The following DHRS3 variants were observed in gnomAD, a reference collection of about 807,000 sequenced individuals.
DHRS3 encodes the protein short-chain dehydrogenase/reductase 3.
A neutral mutation model predicts 27.2 loss-of-function variants in DHRS3; 14 were observed. That is an observed-to-expected ratio of 0.52 (90% CI 0.34 to 0.81). The LOEUF (loss-of-function observed/expected upper bound fraction) is 0.81. DHRS3 is among the 30% of genes least tolerant of loss of function. The pLI, the probability that DHRS3 is intolerant of heterozygous loss-of-function variation, is 0.01. For missense variants in DHRS3, 322 were observed against 406.2 expected (o/e 0.79, Z 1.78); for synonymous variants, 165 against 175.9 (o/e 0.94, Z 0.49).
intron 1 of DHRS3, among the ~76,000 whole-genome samples, chr1:12,585,245 C>T (rs55981784): frequency 2.1e-5 from 3 of 143,824 alleles, no homozygotes; most frequent in Non-Finnish European, 4.6e-5. Context: ...GAGTGTGTGT[C>T]TCTGTGTCTC....
rs1646635462 is a variant in DHRS3, at chr1:12,580,564, G to A, written c.298C>T (p.Arg100Trp). 6.8e-6 allele frequency: 11 copies of A among 1,613,992 alleles called. No individual in the cohort carries two copies. The highest frequency in any genetic ancestry group is 3.3e-5 in the Admixed American group (2 of 59,998). ...CHYFICDVGN[R>W]EEVYQTAKAV... is the part of the protein sequence containing the mutation. ...TTGGCCGTCTGGTACACCTCCTCCC[G>A]GTTGCCCACATCACAGATGAAGTAA... The change falls in exon 2 of 6, where the codon CGG (arginine) becomes TGG (tryptophan). Residue 100 changes from arginine (R) to tryptophan (W), a missense_variant. Transcript: ENST00000616661.
chr1:12,569,828 A>G (rs1222443618), intron 5 of DHRS3: 2 of 152,216 alleles, frequency 1.3e-5, no homozygotes, highest in African/African-American at 2.4e-5. Context: ...GGCCTTCCAA[A>G]GTGCTGGGAT....
rs1232394316 is a variant in DHRS3 at position 12,591,138 on chromosome 1, C to T, written c.196-10472G>A. 3.9e-5 allele frequency among the ~76,000 whole-genome samples: 6 copies of T among 152,228 alleles called. No individual in the cohort carries two copies. The highest frequency in any genetic ancestry group is 1.4e-4 in the African/African-American group (6 of 41,470). ...TTCCATCAGCAAGGGGGATCTATAT[C>T]TGTTGCTGTACTAATAAAAATAGTA... On this transcript the variant is annotated intron_variant, in intron 1 of 5. Transcript: ENST00000616661. The surrounding 1 kb of genome is among the most constrained non-coding windows in gnomAD (Gnocchi z 4.1).
intron 2 of DHRS3, chr1:12,580,169 G>T: frequency 2.8e-6 from 1 of 354,746 alleles, no homozygotes; most frequent in Non-Finnish European, 5.4e-6. Flanking sequence ...AGACAGTCAG[G>T]GTGGGTTTCC....
At chr1:12,583,594 C>CATCCATCA (rs1351443383) in intron 1 of DHRS3, among the ~76,000 whole-genome samples, 1 of 66,826 alleles carries the variant, frequency 1.5e-5, no homozygotes, top group African/African-American at 5.1e-5. Flanking sequence ...CCTACTTATC[C>CATCCATCA]ATCCATCCAT....
At chr1:12,585,245 C>CTAGGTGAG (rs1256874447) in intron 1 of DHRS3, among the ~76,000 whole-genome samples, 2 of 143,824 alleles carry the variant, frequency 1.4e-5, no homozygotes, top group African/African-American at 5.1e-5. Flanking sequence ...GAGTGTGTGT[C>CTAGGTGAG]TCTGTGTCTC....
rs1646771810 is a variant in DHRS3, at chr1:12,594,436, C to CG, written c.196-13771_196-13770insC. Among the ~76,000 whole-genome samples the CG allele has an allele frequency of 6.6e-6, 1 of 152,120 alleles. No homozygotes were observed. The highest frequency in any genetic ancestry group is 6.5e-5 in the Admixed American group (1 of 15,280). ...AACACTTGTTCACGTGAACGAATGA[C>CG]TGTATAGTAAGTAGTTTTCTAGCCA... On this transcript the variant is annotated intron_variant, in intron 1 of 5. Transcript: ENST00000616661. The surrounding 1 kb of genome is among the most constrained non-coding windows in gnomAD (Gnocchi z 4.1).
intron 1 of DHRS3, among the ~76,000 whole-genome samples, chr1:12,585,379 G>T (rs1646688308): frequency 1.0e-5 from 1 of 98,354 alleles, no homozygotes; most frequent in Non-Finnish European, 2.5e-5. Flanking sequence ...CTGTGTGAGT[G>T]TGTGTCTGTG....
At chr1:12,600,718 G>A (rs1646830134) in intron 1 of DHRS3, among the ~76,000 whole-genome samples, 1 of 152,206 alleles carries the variant, frequency 6.6e-6, no homozygotes, top group African/African-American at 2.4e-5. Flanking sequence ...CCTGCCCGCA[G>A]CTGGAGGGGA....
At chr1:12,613,492 T>C (rs6675673) in intron 1 of DHRS3, among the ~76,000 whole-genome samples, 30,404 of 152,050 alleles carry the variant, frequency 0.2, 3,252 homozygotes, top group Middle Eastern at 0.22. Flanking sequence ...CTAAGCTAGG[T>C]CTCTCAGAGA....
rs943169427 is a variant in DHRS3, at chr1:12,608,767, C to T, written c.195+8387G>A. Among the ~76,000 whole-genome samples the T allele has an allele frequency of 4.6e-5, 7 of 152,192 alleles. No homozygotes were observed. Among genetic ancestry groups the T allele is most frequent in the Admixed American group, 3.9e-4 (6 of 15,280 alleles). ...CTTGCAGGGCCCAGGTCTGCATTTT[C>T]GAGCCCTCCCCACGGGCCTAGCATG... On this transcript the variant is annotated intron_variant, in intron 1 of 5. Coordinates refer to ENST00000616661, the MANE Select transcript of DHRS3 (RefSeq NM_004753.7). This position sits in a 1 kb window ranked among gnomAD's most constrained non-coding sequence, Gnocchi z 4.1.
rs546674222 is a variant in DHRS3, at chr1:12,586,416, C to T, written c.196-5750G>A. ...ACGCCCCGCGTTCATCCCCACCCAG[C>T]CAGCCTTCTCCTGCTTCGTCTCCTC... On this transcript the variant is annotated intron_variant, in intron 1 of 5. Coordinates refer to ENST00000616661, the MANE Select transcript of DHRS3 (RefSeq NM_004753.7). This position sits in a 1 kb window ranked among gnomAD's most constrained non-coding sequence, Gnocchi z 5.0. 5.8e-4 allele frequency among the ~76,000 whole-genome samples: 88 copies of T among 152,196 alleles called. No homozygotes were observed. Among genetic ancestry groups the T allele is most frequent in the Admixed American group, 5.9e-4 (9 of 15,290 alleles).
chr1:12,594,926 G>C lies in DHRS3; in HGVS notation c.196-14260C>G, dbSNP rs1359205538. The stretch of plus-strand genomic sequence containing the variant: ...GGTGCTGGAGAAAGTGAGCTTCCCA[G>C]AGGACACCAGAGCGTTTGGCCTGAG... On this transcript the variant is annotated intron_variant, in intron 1 of 5. Transcript: ENST00000616661. This position sits in a 1 kb window ranked among gnomAD's most constrained non-coding sequence, Gnocchi z 4.1. Among the ~76,000 whole-genome samples, 1 of 152,178 alleles carries C rather than the reference G, an allele frequency of 6.6e-6. No individual in the cohort carries two copies. Among genetic ancestry groups the C allele is most frequent in the Admixed American group, 6.5e-5 (1 of 15,282 alleles).
chr1:12,576,199 T>C (rs1570357416), intron 4 of DHRS3, among the ~76,000 whole-genome samples: 1 of 152,002 alleles, frequency 6.6e-6, no homozygotes, highest in Non-Finnish European at 1.5e-5. Flanking sequence ...TGCTAGAAGG[T>C]GAAATAGACA....
intron 4 of DHRS3, among the ~76,000 whole-genome samples, chr1:12,576,292 G>A (rs1646587011): frequency 6.6e-6 from 1 of 152,016 alleles, no homozygotes; most frequent in Non-Finnish European, 1.5e-5. Flanking sequence ...GCTGGGCGTG[G>A]TGGCTCACGC....
intron 2 of DHRS3, 68 bp from the exon 3 acceptor site, chr1:12,579,480 G>T: frequency 1.9e-6 from 3 of 1,563,730 alleles, no homozygotes; most frequent in Admixed American, 3.6e-5. Flanking sequence ...TATGTTTTTT[G>T]TTTGTTTGTT....
At chr1:12,568,904 G>T (rs1033947276) in intron 5 of DHRS3, among the ~76,000 whole-genome samples, 1 of 152,120 alleles carries the variant, frequency 6.6e-6, no homozygotes, top group Non-Finnish European at 1.5e-5. Flanking sequence ...TCCAGCCTGG[G>T]TGGCAGAGCC....
At chr1:12,580,149 A>T (rs1472941157) in intron 2 of DHRS3, 3 of 332,080 alleles carry the variant, frequency 9.0e-6, no homozygotes, top group African/African-American at 6.4e-5. Context: ...AGTTAACATT[A>T]CCACGTGCCA....
chr1:12,584,603 G>T (rs78635377), intron 1 of DHRS3, among the ~76,000 whole-genome samples: 1 of 152,128 alleles, frequency 6.6e-6, no homozygotes, highest in East Asian at 1.9e-4. Flanking sequence ...GGTGGACGGG[G>T]AAGGGAGGTG....
Sources: allele counts gnomAD v4.1 joint callset (sites outside exome capture counted in the v4.1 genomes callset), GRCh38; gene constraint gnomAD v4.1.1; non-coding constraint Gnocchi (gnomAD v3.1); transcripts MANE v1.5; gene names NCBI Gene and HGNC (gene_info 2026-07-23, HGNC 2026-07-21).